Variants in DOCK8 observed in about 807,000 individuals in gnomAD.
DOCK8 encodes dedicator of cytokinesis protein 8.
A neutral mutation model predicts 245.6 loss-of-function variants in DOCK8; 141 were observed. The observed-to-expected ratio is 0.57, with a 90% CI of 0.50 to 0.66. The LOEUF (loss-of-function observed/expected upper bound fraction) is 0.66. Ranked by LOEUF, DOCK8 falls within the 30% of genes least tolerant of loss-of-function variation. The pLI is 0.00. For synonymous variants in DOCK8, 1,168 were observed against 970.2 expected (o/e 1.20, Z -3.79); for missense variants, 2,965 against 2,603.4 (o/e 1.14, Z -3.02).
chr9:432,202 C>G lies in DOCK8; in HGVS notation c.4663C>G (p.Leu1555Val), dbSNP rs567617578. The change falls in exon 37 of 48, where the codon CTG becomes GTG. Residue 1555 changes from leucine (L) to valine (V), a missense_variant. Leu to Val is a conservative substitution (Grantham distance 32). Around this residue, in one of 3 missense-constraint regions of DOCK8, gnomAD observed 2,825 missense variants for 2,453.5 expected, o/e 1.15. Transcript: ENST00000432829. ...AGTAAAGATGCAAGTAACCATGTCC[C>G]TGGCATCTTTGGTGGGAAGAGCACC... ...ARVKMQVTMS[L>V]ASLVGRAPDF... is the part of the protein sequence containing the mutation. The G allele has an allele frequency of 1.9e-6, 3 of 1,613,336 alleles. No individual in the cohort carries two copies. The highest frequency in any genetic ancestry group is 2.5e-6 in the Non-Finnish European group (3 of 1,179,932).
chr9:291,430 T>G (rs1379324942), intron 4 of DOCK8, among the ~76,000 whole-genome samples: 1 of 152,204 alleles, frequency 6.6e-6, no homozygotes, highest in Non-Finnish European at 1.5e-5. Context: ...TTGGGTTTTT[T>G]TGGTATATAT....
intron 38 of DOCK8, 134 bp from the exon 39 acceptor site, chr9:434,649 A>T: frequency 1.1e-6 from 1 of 882,142 alleles, no homozygotes; most frequent in Admixed American, 2.0e-5. Flanking sequence ...TTTTCTGGAA[A>T]TATAGGGCAA....
In DOCK8 at chr9:417,524, G is replaced by T. The variant is rs187134459; in HGVS notation, c.3701-544G>T. Among the ~76,000 whole-genome samples, 140 of 152,220 alleles carry T rather than the reference G, an allele frequency of 9.2e-4. 1 individual carries two copies. Among genetic ancestry groups the T allele is most frequent in the African/African-American group, 3.3e-3 (135 of 41,522 alleles). On this transcript the variant is annotated intron_variant, in intron 29 of 47. Coordinates refer to ENST00000432829, the MANE Select transcript of DOCK8 (RefSeq NM_203447.4). Reference sequence around the variant, plus strand: ...AATAGTTTTTGATTGTATACTGGTAGCATTCTTAAAAACCAGACTTTTAAA... The same window carrying T: ...AATAGTTTTTGATTGTATACTGGTATCATTCTTAAAAACCAGACTTTTAAA...
intron 26 of DOCK8, among the ~76,000 whole-genome samples, chr9:400,327 A>T (rs1285142443): frequency 2.3e-5 from 2 of 87,040 alleles, no homozygotes; most frequent in Admixed American, 1.1e-4. Flanking sequence ...CACCTCCACC[A>T]CCACCACCTC....
rs577455473 is a variant in DOCK8, at chr9:422,152, C to G, written c.4241+17C>G. The G allele has an allele frequency of 6.8e-6, 11 of 1,608,530 alleles. No individual in the cohort carries two copies. The highest frequency in any genetic ancestry group is 1.3e-5 in the African/African-American group (1 of 74,936). Reference sequence around the variant, plus strand: ...GCTAGATAAGTGAGTCACTCGGCAACTTTCTGCTACTTTTACCTAAAGTCC... The same window carrying G: ...GCTAGATAAGTGAGTCACTCGGCAAGTTTCTGCTACTTTTACCTAAAGTCC... On this transcript the variant is annotated intron_variant, in intron 33 of 47. Transcript: ENST00000432829.
upstream of DOCK8, chr9:214,602 A>T (rs1210087024): frequency 4.3e-6 from 7 of 1,613,818 alleles, no homozygotes; most frequent in Non-Finnish European, 5.9e-6. Context: ...CTTCGGGCAG[A>T]TGGAGCTTCC....
rs552485157 is a variant in DOCK8, at chr9:359,622, A to C, written c.1680-8396A>C. Among the ~76,000 whole-genome samples, 10 of 152,312 alleles carry C rather than the reference A, an allele frequency of 6.6e-5. 1 individual carries two copies. The East Asian group carries it at 1.9e-3, about 29-fold the overall frequency. ...ATAAAAGACACCAGATAATCAGAAG[A>C]TGTTACTGACATTAGTAGGCATTTG... On this transcript the variant is annotated intron_variant, in intron 14 of 47. Transcript: ENST00000432829.
chr9:293,763 T>A lies in DOCK8; in HGVS notation c.404+4182T>A, dbSNP rs75964773. Among the ~76,000 whole-genome samples, 168 of 152,376 alleles carry A rather than the reference T, an allele frequency of 1.1e-3. 2 individuals carry two copies. Among genetic ancestry groups the A allele is most frequent in the Admixed American group, 3.2e-3 (49 of 15,306 alleles). On this transcript the variant is annotated intron_variant, in intron 4 of 47. Transcript: ENST00000432829. ...AGTTTTTCTGTGTCTTCATAAGTGGTTTACTAGAAAGTCGGAGGAGGATGC... is the reference window on the plus strand; with the variant it reads ...AGTTTTTCTGTGTCTTCATAAGTGGATTACTAGAAAGTCGGAGGAGGATGC...
At chr9:295,175 A>G (rs1030221753) in intron 4 of DOCK8, among the ~76,000 whole-genome samples, 7 of 151,814 alleles carry the variant, frequency 4.6e-5, no homozygotes, top group African/African-American at 1.7e-4. Context: ...AAAAAAAAGA[A>G]GAAGAACCCA....
chr9:464,155 T>TC lies in DOCK8; in HGVS notation c.6240-3dup. 1 of 1,612,724 alleles carries TC rather than the reference T, an allele frequency of 6.2e-7. No homozygotes were observed. The highest frequency in any genetic ancestry group is 2.2e-5 in the East Asian group (1 of 44,876). ...CTCTCCTCCCTCTCTTTTCTTAATT[T>TC]CAGGGACTCCTTCCACAGATCTAGT... On this transcript the variant is annotated splice_region_variant and splice_polypyrimidine_tract_variant and intron_variant, in intron 47 of 47. Transcript: ENST00000432829.
intron 1 of DOCK8, among the ~76,000 whole-genome samples, chr9:230,129 C>T (rs2047076942): frequency 1.3e-5 from 2 of 148,760 alleles, no homozygotes; most frequent in South Asian, 2.1e-4. Context: ...TGTTCAATTC[C>T]CACCTATGAG....
intron 24 of DOCK8, among the ~76,000 whole-genome samples, chr9:395,434 A>G (rs2054404152): frequency 6.6e-6 from 1 of 152,130 alleles, no homozygotes; most frequent in Non-Finnish European, 1.5e-5. Flanking sequence ...CTGTTAGTGT[A>G]TTAACGTTCT....
intron 14 of DOCK8, among the ~76,000 whole-genome samples, chr9:347,844 T>C (rs2051978694): frequency 6.6e-6 from 1 of 152,180 alleles, no homozygotes; most frequent in Non-Finnish European, 1.5e-5. Context: ...TGCCTAAGGT[T>C]ATGACAGCAA....
At chr9:288,521 T>C (rs982038844) in intron 3 of DOCK8, among the ~76,000 whole-genome samples, 1 of 152,244 alleles carries the variant, frequency 6.6e-6, no homozygotes, top group African/African-American at 2.4e-5. Flanking sequence ...CCTCAGTGCA[T>C]AATGCACAGT....
At position 426,993 on chromosome 9, in the gene DOCK8, A is replaced by G. The variant is rs1245588714; in HGVS notation, c.4338+12A>G. On this transcript the variant is annotated intron_variant, in intron 34 of 47. Coordinates refer to ENST00000432829, the MANE Select transcript of DOCK8 (RefSeq NM_203447.4). ...AAAACATTATCCAGGTGAGGAAAAC[A>G]AACACCCAATCTGATTTGTTGGCCA... The G allele has an allele frequency of 1.9e-5, 30 of 1,608,424 alleles. 2 individuals are homozygous for G. The Admixed American group carries it at 4.8e-4, about 26-fold the overall frequency.
chr9:387,202 CGGA>C (rs1438765653), intron 23 of DOCK8, among the ~76,000 whole-genome samples: 1 of 152,012 alleles, frequency 6.6e-6, no homozygotes, highest in African/African-American at 2.4e-5. Flanking sequence ...CCAGCACTTT[CGGA>C]GGCCGAGGTG....
At chr9:373,304 C>T (rs531415656) in intron 18 of DOCK8, among the ~76,000 whole-genome samples, 11 of 152,272 alleles carry the variant, frequency 7.2e-5, no homozygotes, top group Admixed American at 5.2e-4. Context: ...AAGTAAATCT[C>T]GGACATCATA....
chr9:427,210 G>A (rs967469971), intron 34 of DOCK8, among the ~76,000 whole-genome samples: 2 of 152,208 alleles, frequency 1.3e-5, no homozygotes, highest in African/African-American at 4.8e-5. Flanking sequence ...GAGAGGGTTA[G>A]GTGTTTGGCC....
intron 1 of DOCK8, among the ~76,000 whole-genome samples, chr9:236,804 C>T (rs2047261119): frequency 6.6e-6 from 1 of 152,204 alleles, no homozygotes; most frequent in East Asian, 1.9e-4. Flanking sequence ...TTCCATCTTA[C>T]AGCTCTACCA....
Sources: gnomAD v4.1 joint callset for allele counts (sites outside exome capture counted in the v4.1 genomes callset) on GRCh38, gnomAD v4.1.1 for gene constraint, gnomAD v4.1.1 regional missense constraint, MANE v1.5 for transcripts, NCBI Gene and HGNC (gene_info 2026-07-23, HGNC 2026-07-21) for gene names.